Variants in MMRN1 observed in about 807,000 individuals in gnomAD.
MMRN1 encodes the protein multimerin 1.
In MMRN1, 94 loss-of-function variants were observed where a neutral mutation model predicts 100.7. The ratio of observed to expected loss-of-function variants is 0.93; its 90% CI spans 0.79 to 1.11. The LOEUF (loss-of-function observed/expected upper bound fraction) is 1.11, where lower values mean the gene tolerates loss of function less well. Ranked by LOEUF, MMRN1 falls within the 50% of genes least tolerant of loss-of-function variation. The pLI is 0.00. For missense variants in MMRN1, 1,606 were observed against 1,439.1 expected (o/e 1.12, Z -1.88); for synonymous variants, 575 against 505.0 (o/e 1.14, Z -1.86).
chr4:89,910,743 C>G (rs1721721773), intron 2 of MMRN1, among the ~76,000 whole-genome samples: 1 of 151,382 alleles, frequency 6.6e-6, no homozygotes, highest in South Asian at 2.1e-4. Context: ...AAATGATTAG[C>G]ATGCTTTTCA....
chr4:89,923,993 C>A (rs1184392609), intron 4 of MMRN1, among the ~76,000 whole-genome samples: 1 of 152,056 alleles, frequency 6.6e-6, no homozygotes, highest in Non-Finnish European at 1.5e-5. Context: ...AATTCAGTAT[C>A]TTTATAAAAG....
At chr4:89,907,934 A>G (rs1311732664) in intron 1 of MMRN1, among the ~76,000 whole-genome samples, 1 of 149,864 alleles carries the variant, frequency 6.7e-6, no homozygotes, top group Non-Finnish European at 1.5e-5. Flanking sequence ...GGCATTGTGG[A>G]TACTATGTTA....
chr4:89,904,725 T>TA (rs1369589319), intron 1 of MMRN1, among the ~76,000 whole-genome samples: 3 of 151,728 alleles, frequency 2.0e-5, no homozygotes, highest in African/African-American at 7.2e-5. Context: ...GTTATTGTGA[T>TA]ACATGATATT....
intron 3 of MMRN1, among the ~76,000 whole-genome samples, chr4:89,913,934 A>T (rs1721833751): frequency 6.6e-6 from 1 of 151,424 alleles, no homozygotes; most frequent in East Asian, 1.9e-4. Flanking sequence ...ATTCTAATAT[A>T]GCTTTGATTC....
intron 3 of MMRN1, among the ~76,000 whole-genome samples, chr4:89,920,101 A>G (rs1169809296): frequency 6.6e-6 from 1 of 152,180 alleles, no homozygotes; most frequent in African/African-American, 2.4e-5. Context: ...TTTATCATGT[A>G]TCCATGATTA....
chr4:89,947,030 C>T (rs1251422740), intron 6 of MMRN1, among the ~76,000 whole-genome samples: 2 of 152,140 alleles, frequency 1.3e-5, no homozygotes. Context: ...ACACTGTAAT[C>T]CCACATTTTG....
chr4:89,889,956 G>C (rs900415258), upstream of MMRN1, among the ~76,000 whole-genome samples: 1 of 151,996 alleles, frequency 6.6e-6, no homozygotes, highest in Non-Finnish European at 1.5e-5. Flanking sequence ...AGCCTTTGGA[G>C]GACCTTTCCT....
At chr4:89,897,828 A>G (rs912120477) in intron 1 of MMRN1, among the ~76,000 whole-genome samples, 2 of 152,160 alleles carry the variant, frequency 1.3e-5, no homozygotes, top group Non-Finnish European at 2.9e-5. Flanking sequence ...TATTCCCTAT[A>G]AAAAGTAAAC....
chr4:89,902,510 A>T (rs1277456712), intron 1 of MMRN1, among the ~76,000 whole-genome samples: 1 of 151,938 alleles, frequency 6.6e-6, no homozygotes, highest in Non-Finnish European at 1.5e-5. Flanking sequence ...TTGGATCCAA[A>T]CAGCAAACTC....
At chr4:89,921,634 T>C (rs1247257891) in intron 3 of MMRN1, among the ~76,000 whole-genome samples, 1 of 152,154 alleles carries the variant, frequency 6.6e-6, no homozygotes, top group South Asian at 2.1e-4. Flanking sequence ...AAGCTGCAGA[T>C]TGCTTTTGTC....
intron 1 of MMRN1, among the ~76,000 whole-genome samples, chr4:89,902,276 T>C (rs901717896): frequency 1.1e-3 from 160 of 151,660 alleles, no homozygotes; most frequent in Admixed American, 2.0e-3. Context: ...TGTATACATA[T>C]GTAACTAACC....
At chr4:89,907,403 A>G (rs147237872) in intron 1 of MMRN1, among the ~76,000 whole-genome samples, 5 of 151,438 alleles carry the variant, frequency 3.3e-5, no homozygotes, top group Admixed American at 2.0e-4. Flanking sequence ...CAATTAACAT[A>G]TCTTTTTTTC....
At chr4:89,930,667 A>G (rs1354987423) in intron 5 of MMRN1, among the ~76,000 whole-genome samples, 1 of 152,028 alleles carries the variant, frequency 6.6e-6, no homozygotes, top group African/African-American at 2.4e-5. Flanking sequence ...ACTAATGGGA[A>G]ATGACTAAAT....
chr4:89,925,302 ATTTTTTTTTT>A (rs1176427401), intron 4 of MMRN1, among the ~76,000 whole-genome samples: 9 of 101,962 alleles, frequency 8.8e-5, no homozygotes, highest in African/African-American at 1.3e-4. Context: ...TGCCTGGTTA[ATTTTTTTTTT>A]TTTTTTTTTT....
intron 1 of MMRN1, among the ~76,000 whole-genome samples, chr4:89,896,187 G>T (rs1158181632): frequency 6.6e-6 from 1 of 152,090 alleles, no homozygotes; most frequent in East Asian, 1.9e-4. Context: ...ATAAAACTTT[G>T]CAGGGTTCTC....
chr4:89,927,298 G>A (rs577167374), intron 4 of MMRN1, among the ~76,000 whole-genome samples: 1 of 151,960 alleles, frequency 6.6e-6, no homozygotes, highest in Admixed American at 6.6e-5. Context: ...TCTTTCATTA[G>A]TGTTTTATAG....
intron 1 of MMRN1, among the ~76,000 whole-genome samples, chr4:89,887,007 C>T (rs1720951600): frequency 6.6e-6 from 1 of 152,102 alleles, no homozygotes; most frequent in Non-Finnish European, 1.5e-5. Flanking sequence ...TTATCCCCTG[C>T]TCATCACTAC....
chr4:89,953,186 AG>A lies in MMRN1; in HGVS notation c.3456del (p.Glu1152AspfsTer11), dbSNP rs1455932133. The A allele has an allele frequency of 2.5e-6, 4 of 1,613,718 alleles. No individual in the cohort carries two copies. Among genetic ancestry groups the A allele is most frequent in the Non-Finnish European group, 3.4e-6 (4 of 1,179,846 alleles). Reference sequence around the variant, plus strand: ...GTATATGTTTTCAAGTACACCATCGAGTCATTTAGTGCTCATATTTCTGGAT... The same window carrying A: ...GTATATGTTTTCAAGTACACCATCGATCATTTAGTGCTCATATTTCTGGAT... ...LGVYVFKYTI[E>X]SFSAHISGFL... On this transcript the variant is annotated frameshift_variant, in exon 8 of 8. Coordinates refer to ENST00000264790, the MANE Select transcript of MMRN1 (RefSeq NM_007351.3). LOFTEE classifies it high-confidence loss of function.
chr4:89,941,445 C>T (rs1351146933), intron 6 of MMRN1, among the ~76,000 whole-genome samples: 1 of 152,118 alleles, frequency 6.6e-6, no homozygotes, highest in Non-Finnish European at 1.5e-5. Context: ...TTTCTAGTCA[C>T]ACACACATAC....
Sources: allele counts gnomAD v4.1 joint callset (sites outside exome capture counted in the v4.1 genomes callset), GRCh38; gene constraint gnomAD v4.1.1; transcripts MANE v1.5; gene names NCBI Gene and HGNC (gene_info 2026-07-23, HGNC 2026-07-21).